ARID2: variants seen among roughly 807,000 people sequenced by gnomAD.
ARID2 encodes AT-rich interaction domain 2, also known as AT-rich interactive domain-containing protein 2.
A neutral mutation model predicts 184.6 loss-of-function variants in ARID2; 32 were observed. The ratio of observed to expected loss-of-function variants is 0.17; its 90% CI spans 0.13 to 0.23. The LOEUF (loss-of-function observed/expected upper bound fraction) is 0.23. ARID2 is among the 10% of genes least tolerant of loss of function. The pLI, the probability that ARID2 is intolerant of heterozygous loss-of-function variation, is 1.00. For synonymous variants in ARID2, 836 were observed against 772.6 expected (o/e 1.08, Z -1.36); for missense variants, 1,696 against 2,197.6 (o/e 0.77, Z 4.56).
In ARID2 at chr12:45,891,834, A is replaced by G. The variant is rs200569132; in HGVS notation, c.4977A>G (p.Gly1659=). The G allele has an allele frequency of 1.2e-6, 2 of 1,614,188 alleles. No homozygotes were observed. The highest frequency in any genetic ancestry group is 1.6e-4 in the Middle Eastern group (1 of 6,062). ...VFYHAATEHG[G]KDVYPGQCLW... ...ACCATGCAGCAACTGAACATGGAGG[A>G]AAAGATGTATATCCAGGGCAGTGTC... Residue 1659 remains glycine (G), a synonymous_variant, in exon 17 of 21, where the codon GGA becomes GGG. Coordinates refer to ENST00000334344, the MANE Select transcript of ARID2 (RefSeq NM_152641.4).
At chr12:45,873,243 C>T (rs1436024987) in intron 16 of ARID2, among the ~76,000 whole-genome samples, 1 of 152,136 alleles carries the variant, frequency 6.6e-6, no homozygotes, top group African/African-American at 2.4e-5. Flanking sequence ...TTCTCCATCC[C>T]TTTACTTTTA....
chr12:45,876,850 G>T (rs1441254187), intron 16 of ARID2, among the ~76,000 whole-genome samples: 2 of 151,306 alleles, frequency 1.3e-5, no homozygotes, highest in South Asian at 2.1e-4. Context: ...AGCACTTTGG[G>T]AGGCTGAGGT....
Position 45,849,720 on chromosome 12 carries a change from C to T in ARID2, c.1856C>T (p.Thr619Ile), listed in dbSNP as rs2138157349. The change falls in exon 14 of 21, where the codon ACT (threonine) becomes ATT (isoleucine). Residue 619 changes from threonine (T) to isoleucine (I), a missense_variant. This residue lies in a region of ARID2 where 713 missense variants were observed against 824.4 expected (regional missense o/e 0.86). Transcript: ENST00000334344. ...QMYYQQQPVS[T>I]SVVRVDSVPD... is the part of the protein sequence containing the mutation. ...TACTATCAGCAGCAACCAGTTTCTA[C>T]TTCTGTTGTTCGTGTTGATTCTGTT... 6.2e-7 allele frequency: 1 copy of T among 1,613,766 alleles called. No individual in the cohort carries two copies. Among genetic ancestry groups the T allele is most frequent in the Non-Finnish European group, 8.5e-7 (1 of 1,179,780 alleles).
chr12:45,824,380 T>C lies in ARID2; in HGVS notation c.705+2893T>C, dbSNP rs567900651. Among the ~76,000 whole-genome samples, 30 of 152,142 alleles carry C rather than the reference T, an allele frequency of 2.0e-4. No individual in the cohort carries two copies. In the South Asian group the frequency reaches 5.8e-3, roughly 30 times the overall value. On this transcript the variant is annotated intron_variant, in intron 6 of 20. Coordinates refer to ENST00000334344, the MANE Select transcript of ARID2 (RefSeq NM_152641.4). ...AAAAACTGAAATAAGATGAGGACAC[T>C]CACTTGCACCACTCTCATTCAACAT...
At chr12:45,804,363 T>A (rs182768948) in intron 3 of ARID2, among the ~76,000 whole-genome samples, 1 of 152,226 alleles carries the variant, frequency 6.6e-6, no homozygotes, top group Admixed American at 6.5e-5. Flanking sequence ...TACAGATGAG[T>A]TTAATTGTTA....
At chr12:45,884,705 G>T (rs927125539) in intron 16 of ARID2, among the ~76,000 whole-genome samples, 7 of 152,158 alleles carry the variant, frequency 4.6e-5, no homozygotes, top group African/African-American at 1.7e-4. Flanking sequence ...AGAACTGAGG[G>T]CAGTTGGTTT....
intron 15 of ARID2, 97 bp downstream of exon 15, chr12:45,852,993 A>T: frequency 7.0e-7 from 1 of 1,427,172 alleles, no homozygotes; most frequent in Non-Finnish European, 9.1e-7. Flanking sequence ...TCATCTTGAA[A>T]AGTTACTGTA....
chr12:45,754,962 A>C (rs139934994), intron 3 of ARID2, among the ~76,000 whole-genome samples: 3 of 152,342 alleles, frequency 2.0e-5, no homozygotes, highest in Non-Finnish European at 4.4e-5. Context: ...TTGACATTGA[A>C]AGACTGGTTG....
chr12:45,835,889 A>G (rs567464833), intron 6 of ARID2, among the ~76,000 whole-genome samples: 4 of 151,902 alleles, frequency 2.6e-5, no homozygotes, highest in South Asian at 4.2e-4. Context: ...GAAAAGAGCG[A>G]AACTCCATCT....
At chr12:45,844,040 T>C (rs192374474) in intron 11 of ARID2, among the ~76,000 whole-genome samples, 16 of 152,284 alleles carry the variant, frequency 1.1e-4, no homozygotes, top group African/African-American at 3.4e-4. Flanking sequence ...CTTTCTCTCT[T>C]TCTTTTTTTT....
At chr12:45,888,963 G>GA (rs1433750569) in intron 16 of ARID2, among the ~76,000 whole-genome samples, 6 of 152,168 alleles carry the variant, frequency 3.9e-5, no homozygotes, top group Admixed American at 3.3e-4. Flanking sequence ...CAAGGCAGGC[G>GA]AATCACTTGA....
intron 11 of ARID2, among the ~76,000 whole-genome samples, chr12:45,842,804 T>C (rs1044775155): frequency 6.6e-6 from 1 of 152,002 alleles, no homozygotes; most frequent in African/African-American, 2.4e-5. Context: ...ATGTATCTCT[T>C]AATAAGATGA....
chr12:45,829,802 T>TTC (rs200075605), intron 6 of ARID2, among the ~76,000 whole-genome samples: 52,008 of 135,542 alleles, frequency 0.38, 10,460 homozygotes, highest in African/African-American at 0.55. Context: ...TTTCTTCTTC[T>TTC]TTTTTTTTTT....
At chr12:45,833,410 CATT>C (rs1943159194) in intron 6 of ARID2, among the ~76,000 whole-genome samples, 1 of 152,048 alleles carries the variant, frequency 6.6e-6, no homozygotes. Flanking sequence ...TTTTTAATGT[CATT>C]GTTAATTTTC....
chr12:45,896,708 A>T (rs1565643278), intron 20 of ARID2, among the ~76,000 whole-genome samples: 1 of 152,210 alleles, frequency 6.6e-6, no homozygotes, highest in Non-Finnish European at 1.5e-5. Flanking sequence ...TAAAACCACG[A>T]TTATGCTAAG....
intron 4 of ARID2, among the ~76,000 whole-genome samples, chr12:45,814,197 A>G (rs1406607736): frequency 6.6e-6 from 1 of 152,194 alleles, no homozygotes; most frequent in Non-Finnish European, 1.5e-5. Context: ...ATCACTGCCA[A>G]TATAGATGGA....
chr12:45,753,898 C>T (rs1490249809), intron 3 of ARID2, among the ~76,000 whole-genome samples: 1 of 152,070 alleles, frequency 6.6e-6, no homozygotes, highest in Non-Finnish European at 1.5e-5. Flanking sequence ...CAACAACTTG[C>T]TTACCCACCT....
intron 3 of ARID2, among the ~76,000 whole-genome samples, chr12:45,808,029 C>T (rs1942633329): frequency 6.6e-6 from 1 of 152,102 alleles, no homozygotes; most frequent in African/African-American, 2.4e-5. Context: ...ATGTACTAGG[C>T]AGATTACTAT....
chr12:45,766,199 G>A (rs1941767498), intron 3 of ARID2, among the ~76,000 whole-genome samples: 1 of 149,630 alleles, frequency 6.7e-6, no homozygotes, highest in Admixed American at 6.6e-5. Flanking sequence ...ACAGAGTCTT[G>A]CTCTGTCACC....
Sources: gnomAD v4.1 joint callset for allele counts (sites outside exome capture counted in the v4.1 genomes callset) on GRCh38, gnomAD v4.1.1 for gene constraint, gnomAD v4.1.1 regional missense constraint, MANE v1.5 for transcripts, NCBI Gene and HGNC (gene_info 2026-07-23, HGNC 2026-07-21) for gene names.